Variants in IL1RAPL1 observed in about 807,000 individuals in gnomAD.
The protein encoded by IL1RAPL1 is interleukin 1 receptor accessory protein like 1.
IL1RAPL1 carries 3 observed loss-of-function variants against 48.4 expected under a neutral mutation model. The observed-to-expected ratio is 0.06, with a 90% CI of 0.03 to 0.16. The LOEUF (loss-of-function observed/expected upper bound fraction) is 0.16, where lower values mean the gene tolerates loss of function less well. Among genes scored for constraint, IL1RAPL1 ranks in the 10% least tolerant of loss-of-function variants. IL1RAPL1 has a pLI of 1.00. For missense variants in IL1RAPL1, 349 were observed against 530.6 expected, an observed-to-expected ratio of 0.66 and a Z score of 3.36; for synonymous variants, 185 against 187.7, an observed-to-expected ratio of 0.99 and a Z score of 0.12.
At chrX:29,182,843 C>G (rs753669714) in intron 2 of IL1RAPL1, among the ~76,000 whole-genome samples, 1 of 111,239 alleles carries the variant, frequency 9.0e-6, no homozygotes, top group African/African-American at 3.3e-5. Flanking sequence ...CCTAGATTAT[C>G]CAGGTGGACT....
At chrX:29,024,349 A>T (rs1179649707) in intron 2 of IL1RAPL1, among the ~76,000 whole-genome samples, 2 of 111,786 alleles carry the variant, frequency 1.8e-5, no homozygotes, top group African/African-American at 6.5e-5. Flanking sequence ...TTTTTAGAGG[A>T]CCAACAGGTA....
chrX:29,341,349 T>A (rs1394076014), intron 3 of IL1RAPL1, among the ~76,000 whole-genome samples: 1 of 112,327 alleles, frequency 8.9e-6, no homozygotes, highest in Non-Finnish European at 1.9e-5. Flanking sequence ...ATATAATCTA[T>A]TCTTTTATTA....
At chrX:28,780,363 G>GTC (rs1555922998) in intron 1 of IL1RAPL1, among the ~76,000 whole-genome samples, 1,113 of 91,399 alleles carry the variant, frequency 0.012, 16 homozygotes, top group Middle Eastern at 0.025. Context: ...GTGTGTGTGT[G>GTC]TGTCTGTCTG....
chrX:29,339,884 A>G (rs777043640), intron 3 of IL1RAPL1, among the ~76,000 whole-genome samples: 22 of 111,751 alleles, frequency 2.0e-4, no homozygotes, highest in Non-Finnish European at 3.8e-4. Context: ...AGTACTCACT[A>G]GGTATTTTGT....
chrX:29,810,158 C>T (rs765032648), intron 6 of IL1RAPL1, among the ~76,000 whole-genome samples: 1 of 105,905 alleles, frequency 9.4e-6, no homozygotes, highest in African/African-American at 3.5e-5. Flanking sequence ...CAGCACATTT[C>T]CTTTTATGTA....
intron 2 of IL1RAPL1, among the ~76,000 whole-genome samples, chrX:29,216,154 GT>G (rs1176485183): frequency 6.3e-5 from 7 of 110,991 alleles, no homozygotes; most frequent in East Asian, 2.8e-4. Context: ...TTGTTTCTTT[GT>G]TTTTTTGTTG....
chrX:28,873,688 C>T (rs1225647389), intron 2 of IL1RAPL1, among the ~76,000 whole-genome samples: 5 of 107,850 alleles, frequency 4.6e-5, no homozygotes, highest in Admixed American at 1.0e-4. Flanking sequence ...CCCGCCACCA[C>T]AGCCGGCTAA....
At chrX:28,750,088 G>T (rs1309360068) in intron 1 of IL1RAPL1, among the ~76,000 whole-genome samples, 1 of 108,731 alleles carries the variant, frequency 9.2e-6, no homozygotes, top group Non-Finnish European at 1.9e-5. Context: ...TAGTAGCTGG[G>T]ATTACAGGCA....
At chrX:29,577,297 A>G (rs1224881569) in intron 5 of IL1RAPL1, among the ~76,000 whole-genome samples, 2 of 111,796 alleles carry the variant, frequency 1.8e-5, no homozygotes, top group African/African-American at 3.3e-5. Context: ...AAAAAAAAGT[A>G]CTGTTATCAG....
intron 6 of IL1RAPL1, among the ~76,000 whole-genome samples, chrX:29,899,069 A>T (rs985283080): frequency 9.0e-6 from 1 of 110,841 alleles, no homozygotes; most frequent in African/African-American, 3.3e-5. Flanking sequence ...CAAGTGAAAA[A>T]CTTCCCAATA....
intron 2 of IL1RAPL1, among the ~76,000 whole-genome samples, chrX:29,101,863 G>A (rs1487104014): frequency 9.0e-6 from 1 of 111,447 alleles, no homozygotes; most frequent in Non-Finnish European, 1.9e-5. Context: ...CTTGAACCCG[G>A]GAGGCGGAGG....
intron 2 of IL1RAPL1, among the ~76,000 whole-genome samples, chrX:28,955,210 T>C (rs1924572601): frequency 9.0e-6 from 1 of 111,647 alleles, no homozygotes; most frequent in Non-Finnish European, 1.9e-5. Flanking sequence ...CAGGAATGGA[T>C]TACATTGATA....
chrX:29,526,481 A>C (rs995207863), intron 5 of IL1RAPL1, among the ~76,000 whole-genome samples: 10 of 112,077 alleles, frequency 8.9e-5, no homozygotes, highest in Non-Finnish European at 1.9e-4. Context: ...CTCTATTTGC[A>C]GATAACATGA....
chrX:29,372,981 A>G (rs754027723), intron 3 of IL1RAPL1, among the ~76,000 whole-genome samples: 2 of 110,529 alleles, frequency 1.8e-5, no homozygotes, highest in East Asian at 5.7e-4. Context: ...GTAGTTTGAT[A>G]GAAATAGCAT....
At chrX:28,900,117 A>C (rs1443348643) in intron 2 of IL1RAPL1, among the ~76,000 whole-genome samples, 2 of 112,126 alleles carry the variant, frequency 1.8e-5, no homozygotes, top group African/African-American at 6.5e-5. Context: ...CCTAGTGCAG[A>C]CTATTGAGTG....
chrX:29,216,569 T>C (rs1475231290), intron 2 of IL1RAPL1, among the ~76,000 whole-genome samples: 2 of 111,545 alleles, frequency 1.8e-5, no homozygotes, highest in African/African-American at 6.5e-5. Flanking sequence ...ACTGTAACAC[T>C]CGTGACACCT....
intron 6 of IL1RAPL1, among the ~76,000 whole-genome samples, chrX:29,761,139 GTTTC>G (rs1928741525): frequency 8.9e-6 from 1 of 111,806 alleles, no homozygotes; most frequent in Non-Finnish European, 1.9e-5. Context: ...GATTTCGACT[GTTTC>G]TTTATGGTAA....
chrX:29,228,164 C>G (rs1001673775), intron 2 of IL1RAPL1, among the ~76,000 whole-genome samples: 2 of 90,665 alleles, frequency 2.2e-5, no homozygotes, highest in African/African-American at 4.7e-5. Flanking sequence ...ATAACCATCT[C>G]CGGACACACG....
intron 6 of IL1RAPL1, among the ~76,000 whole-genome samples, chrX:29,836,479 G>A (rs1287382678): frequency 1.8e-5 from 2 of 111,649 alleles, no homozygotes; most frequent in African/African-American, 3.3e-5. Context: ...ATGAGCCACC[G>A]TGCCTGGCCC....
Sources: gnomAD v4.1 joint callset for allele counts (sites outside exome capture counted in the v4.1 genomes callset) on GRCh38, gnomAD v4.1.1 for gene constraint, MANE v1.5 for transcripts, NCBI Gene and HGNC (gene_info 2026-07-23, HGNC 2026-07-21) for gene names.